The following ALDH3B2 variants were observed in gnomAD, a reference collection of about 807,000 sequenced individuals.
ALDH3B2 encodes aldehyde dehydrogenase family 3 member B2.
Under a neutral mutation model 36.7 loss-of-function variants are expected in ALDH3B2, and 45 were observed. The observed-to-expected ratio is 1.23, with a 90% CI of 0.97 to 1.57. ALDH3B2 has a LOEUF of 1.57. ALDH3B2 is among the 40% of genes most tolerant of loss of function. The probability of loss-of-function intolerance (pLI) is 0.00; values close to 1 mark genes in which losing one functional copy is unlikely to be tolerated. For synonymous variants in ALDH3B2, 217 were observed against 226.5 expected (o/e 0.96, Z 0.38); for missense variants, 464 against 513.3 (o/e 0.90, Z 0.93).
At chr11:67,667,206 C>T (rs1369866341) in intron 2 of ALDH3B2, among the ~76,000 whole-genome samples, 190 bp from the exon 3 acceptor site, 1 of 152,198 alleles carries the variant, frequency 6.6e-6, no homozygotes, top group Non-Finnish European at 1.5e-5. Context: ...GCTGTGTGGC[C>T]TTGGGCAAGC....
chr11:67,672,821 C>G (rs918965338), intron 1 of ALDH3B2, among the ~76,000 whole-genome samples: 6 of 151,902 alleles, frequency 3.9e-5, no homozygotes, highest in Non-Finnish European at 8.8e-5. Context: ...AAACTCCTGT[C>G]CTCAAGTGAT....
Position 67,666,445 on chromosome 11 carries a change from C to A in ALDH3B2, c.152-44G>T, listed in dbSNP as rs370440921. 9.9e-4 allele frequency: 1,594 copies of A among 1,605,108 alleles called. 3 individuals are homozygous for A. Among genetic ancestry groups the A allele is most frequent in the Middle Eastern group, 2.2e-3 (13 of 6,028 alleles). ...ACGTCGTTGGGGGAGCCCAGGGTCC[C>A]CATGCCCAACCAGGGGCTGGGCTCA... is the stretch of plus-strand genomic sequence containing the variant. On this transcript the variant is annotated intron_variant, in intron 4 of 9. Coordinates refer to ENST00000349015, the Ensembl canonical transcript of ALDH3B2.
At chr11:67,663,587 G>A in intron 9 of ALDH3B2, 75 bp downstream of exon 9, 2 of 1,455,334 alleles carry the variant, frequency 1.4e-6, no homozygotes, top group Non-Finnish European at 1.9e-6. Flanking sequence ...AGGTTGAACA[G>A]TGAGTGAAGG....
intron 1 of ALDH3B2, among the ~76,000 whole-genome samples, chr11:67,669,212 C>T (rs190791616): frequency 6.9e-6 from 1 of 145,210 alleles, no homozygotes; most frequent in African/African-American, 2.6e-5. Flanking sequence ...CTTTGTGTGC[C>T]TTTCTGTGTA....
chr11:67,673,542 T>A (rs1270903178), intron 1 of ALDH3B2, among the ~76,000 whole-genome samples: 1 of 152,086 alleles, frequency 6.6e-6, no homozygotes, highest in Non-Finnish European at 1.5e-5. Context: ...AAAAGCCCTG[T>A]GGGGGCAGAT....
At chr11:67,674,974 C>T (rs1193092952), upstream of ALDH3B2, among the ~76,000 whole-genome samples, 1 of 152,122 alleles carries the variant, frequency 6.6e-6, no homozygotes, top group Non-Finnish European at 1.5e-5. Flanking sequence ...CACAGTGGTC[C>T]CATGCCCCCC....
chr11:67,665,263 G>C, intron 7 of ALDH3B2, 22 bp downstream of exon 7: 1 of 1,578,646 alleles, frequency 6.3e-7, no homozygotes. Flanking sequence ...CAGGTGGGCT[G>C]CGGTAGGGCA....
intron 1 of ALDH3B2, among the ~76,000 whole-genome samples, chr11:67,669,692 CTGTG>C (rs1366195913): frequency 1.5e-5 from 2 of 131,090 alleles, no homozygotes. Context: ...GTATGGGTGT[CTGTG>C]TGTGTATGGG....
exon 7 of ALDH3B2, chr11:67,665,405 G>C (rs748206299): frequency 3.7e-6 from 6 of 1,613,846 alleles, no homozygotes; most frequent in Non-Finnish European, 5.1e-6. Context: ...GGGGAGCTCT[G>C]GGGGTCGTCG....
At chr11:67,671,369 C>A (rs1393544638) in intron 1 of ALDH3B2, 1 of 152,412 alleles carries the variant, frequency 6.6e-6, no homozygotes, top group East Asian at 1.9e-4. Context: ...TGGACCCAAG[C>A]CCTGCCTCTC....
rs140315506 is a variant in ALDH3B2, at chr11:67,673,965, G to A, written c.-245+472C>T. On this transcript the variant is annotated intron_variant, in intron 1 of 9. Coordinates refer to ENST00000349015, the Ensembl canonical transcript of ALDH3B2. Reference sequence around the variant, plus strand: ...CTAGAACCAGAAACAAGCAATGCATGTTGCTTTTAACATCTGAAACCAAAG... The same window carrying A: ...CTAGAACCAGAAACAAGCAATGCATATTGCTTTTAACATCTGAAACCAAAG... Among the ~76,000 whole-genome samples the A allele has an allele frequency of 7.3e-3, 1,116 of 152,308 alleles. 18 individuals are homozygous for A. Among genetic ancestry groups the A allele is most frequent in the African/African-American group, 0.026 (1,079 of 41,562 alleles).
At chr11:67,672,726 A>G (rs562336317) in intron 1 of ALDH3B2, among the ~76,000 whole-genome samples, 3 of 150,582 alleles carry the variant, frequency 2.0e-5, no homozygotes, top group Admixed American at 6.6e-5. Flanking sequence ...AGTAGCTGGT[A>G]TTATAGGCAT....
chr11:67,672,591 ACTT>A (rs1360872428), intron 1 of ALDH3B2, among the ~76,000 whole-genome samples: 1 of 149,566 alleles, frequency 6.7e-6, no homozygotes, highest in Admixed American at 6.7e-5. Context: ...GGCAAAATTA[ACTT>A]TTTTTTTTTT....
chr11:67,668,966 T>A (rs1003859119), intron 1 of ALDH3B2, among the ~76,000 whole-genome samples: 1 of 150,212 alleles, frequency 6.7e-6, no homozygotes, highest in African/African-American at 2.5e-5. Context: ...TGTATGGGTG[T>A]CTGTGTCTCT....
intron 7 of ALDH3B2, 116 bp downstream of exon 7, chr11:67,665,169 G>C (rs529509940): frequency 6.7e-7 from 1 of 1,497,928 alleles, no homozygotes; most frequent in East Asian, 2.3e-5. Flanking sequence ...TCAAGGCCGG[G>C]CTCTGATAGT....
At chr11:67,664,899 C>T (rs1855853673) in intron 7 of ALDH3B2, among the ~76,000 whole-genome samples, 1 of 152,208 alleles carries the variant, frequency 6.6e-6, no homozygotes, top group South Asian at 2.1e-4. Context: ...CCATGAGCTG[C>T]TGAGTCATAC....
upstream of ALDH3B2, among the ~76,000 whole-genome samples, chr11:67,678,200 T>C (rs1856305039): frequency 6.6e-6 from 1 of 152,130 alleles, no homozygotes; most frequent in Non-Finnish European, 1.5e-5. Context: ...GGCATCATAC[T>C]ACCTACCTGA....
chr11:67,676,988 G>A (rs1344788180), upstream of ALDH3B2, among the ~76,000 whole-genome samples: 5 of 152,106 alleles, frequency 3.3e-5, no homozygotes, highest in Admixed American at 2.6e-4. Context: ...AAAAGTCCAG[G>A]ACCAGAAGGA....
Position 67,666,394 on chromosome 11 carries a change from G to T in ALDH3B2, c.159C>A (p.Cys53Ter), listed in dbSNP as rs1365585332. ...TGATTTCTGACGGCTTCAGCACCACGCAACTCCCTGCAGGGGCAGATGGGG... is the reference window on the plus strand; with the variant it reads ...TGATTTCTGACGGCTTCAGCACCACTCAACTCCCTGCAGGGGCAGATGGGG... The change falls in exon 5 of 10, where the codon TGC (cysteine) becomes TGA (stop). Residue 53 changes from cysteine (C) to a stop codon, truncating the protein, a stop_gained. Transcript: ENST00000349015. LOFTEE classifies it high-confidence loss of function. 1 of 1,606,262 alleles carries T rather than the reference G, an allele frequency of 6.2e-7. No homozygotes were observed. Among genetic ancestry groups the T allele is most frequent in the Non-Finnish European group, 8.5e-7 (1 of 1,176,620 alleles).
Sources: allele counts gnomAD v4.1 joint callset (sites outside exome capture counted in the v4.1 genomes callset), GRCh38; gene constraint gnomAD v4.1.1; transcripts MANE v1.5; gene names NCBI Gene and HGNC (gene_info 2026-07-23, HGNC 2026-07-21).